PYGB: variants seen among roughly 807,000 people sequenced by gnomAD.
The protein encoded by PYGB is glycogen phosphorylase B.
PYGB carries 82 observed loss-of-function variants against 94.3 expected under a neutral mutation model. The observed-to-expected ratio is 0.87, with a 90% CI of 0.73 to 1.04. The LOEUF (loss-of-function observed/expected upper bound fraction) is 1.04, where lower values mean the gene tolerates loss of function less well. PYGB is among the 50% of genes least tolerant of loss of function. The pLI is 0.00. For missense variants in PYGB, 1,132 were observed against 1,158.2 expected (o/e 0.98, Z 0.33); for synonymous variants, 488 against 479.1 (o/e 1.02, Z -0.24).
At chr20:25,272,710 C>T (rs1053421995) in intron 4 of PYGB, among the ~76,000 whole-genome samples, 1 of 152,212 alleles carries the variant, frequency 6.6e-6, no homozygotes, top group Non-Finnish European at 1.5e-5. Flanking sequence ...CTTAGAAAGG[C>T]GCCTTTCTCC....
At position 25,271,412 on chromosome 20, in the gene PYGB, G is replaced by A. The variant is rs753970590; in HGVS notation, c.454G>A (p.Gly152Ser). 6 of 1,613,956 alleles carry A rather than the reference G, an allele frequency of 3.7e-6. No individual in the cohort carries two copies. The highest frequency in any genetic ancestry group is 4.2e-6 in the Non-Finnish European group (5 of 1,180,022). The change falls in exon 4 of 20, where the codon GGC becomes AGC. Residue 152 changes from glycine to serine, a missense_variant. Coordinates refer to ENST00000216962, the MANE Select transcript of PYGB (RefSeq NM_002862.4). ...TTTCCTTGACTCAATGGCTACCTTG[G>A]GCCTGGCAGCATACGGCTATGGAAT... ...ACFLDSMATLGLAAYGYGIRY... is the reference protein window; with the variant it reads ...ACFLDSMATLSLAAYGYGIRY...
At chr20:25,262,731 C>CG (rs1005080473) in intron 2 of PYGB, among the ~76,000 whole-genome samples, 5 of 151,544 alleles carry the variant, frequency 3.3e-5, no homozygotes, top group African/African-American at 1.2e-4. Flanking sequence ...ATCTCACATG[C>CG]GGAGACACAC....
intron 4 of PYGB, among the ~76,000 whole-genome samples, chr20:25,272,164 C>A (rs1048535837): frequency 4.6e-5 from 7 of 152,236 alleles, no homozygotes; most frequent in Admixed American, 1.3e-4. Flanking sequence ...CACCACTATT[C>A]CATTCGGTTA....
chr20:25,273,886 C>T (rs1483320918), intron 4 of PYGB, among the ~76,000 whole-genome samples: 2 of 152,128 alleles, frequency 1.3e-5, no homozygotes, highest in African/African-American at 2.4e-5. Flanking sequence ...CCTGCCCTGT[C>T]GCCCAGGCTG....
chr20:25,264,870 C>T (rs973581067), intron 2 of PYGB, among the ~76,000 whole-genome samples: 1 of 152,154 alleles, frequency 6.6e-6, no homozygotes, highest in African/African-American at 2.4e-5. Flanking sequence ...TTTATAGATT[C>T]AACGCCATCC....
intron 5 of PYGB, among the ~76,000 whole-genome samples, chr20:25,275,101 G>A (rs1198071169): frequency 2.6e-5 from 4 of 152,230 alleles, no homozygotes; most frequent in Admixed American, 2.0e-4. Flanking sequence ...CAGGGTGGGC[G>A]AAAACAGCTC....
chr20:25,269,435 C>G (rs1021327173), intron 3 of PYGB, among the ~76,000 whole-genome samples: 1 of 152,182 alleles, frequency 6.6e-6, no homozygotes, highest in East Asian at 1.9e-4. Flanking sequence ...ACCAATCTTG[C>G]CAGCATGGAG....
At chr20:25,295,762 A>AT (rs1429180165) in intron 19 of PYGB, 92 bp downstream of exon 19, 1 of 1,407,320 alleles carries the variant, frequency 7.1e-7, no homozygotes, top group Non-Finnish European at 1.0e-6. Flanking sequence ...AGCTGAGTAG[A>AT]TTCTTGGCCT....
intron 2 of PYGB, among the ~76,000 whole-genome samples, chr20:25,262,557 A>C (rs889746511): frequency 4.6e-5 from 7 of 152,350 alleles, no homozygotes; most frequent in Middle Eastern, 3.4e-3. Flanking sequence ...AGCTAGGAAG[A>C]AACTGTATCA....
At chr20:25,267,189 A>G (rs2088225819) in intron 2 of PYGB, among the ~76,000 whole-genome samples, 1 of 152,232 alleles carries the variant, frequency 6.6e-6, no homozygotes. Flanking sequence ...ATGGCACAAC[A>G]TGGATGAAGC....
chr20:25,260,150 A>G (rs1459152655), intron 2 of PYGB, among the ~76,000 whole-genome samples: 1 of 152,180 alleles, frequency 6.6e-6, no homozygotes, highest in African/African-American at 2.4e-5. Context: ...AACAAAATGC[A>G]ACAAAAACTT....
At chr20:25,274,855 C>T (rs998726358) in intron 5 of PYGB, 132 bp downstream of exon 5, 8 of 1,375,580 alleles carry the variant, frequency 5.8e-6, no homozygotes, top group Admixed American at 2.3e-5. Context: ...AGGTAAAAGC[C>T]GGGGGAGGTT....
intron 2 of PYGB, among the ~76,000 whole-genome samples, chr20:25,263,308 ACACT>A (rs1383767856): frequency 1.3e-5 from 2 of 152,224 alleles, no homozygotes; most frequent in African/African-American, 4.8e-5. Flanking sequence ...CAGGATTAAG[ACACT>A]CACTCAAAAC....
At chr20:25,290,427 C>CA in intron 15 of PYGB, 54 bp from the exon 16 acceptor site, 1 of 1,584,858 alleles carries the variant, frequency 6.3e-7, no homozygotes. Flanking sequence ...GGAGCGCCTC[C>CA]AAGGGCCTGA....
At chr20:25,272,657 G>T (rs1568689678) in intron 4 of PYGB, among the ~76,000 whole-genome samples, 1 of 152,214 alleles carries the variant, frequency 6.6e-6, no homozygotes, top group Admixed American at 6.5e-5. Flanking sequence ...ACCTAAAACG[G>T]ACTCGGATCC....
chr20:25,259,442 A>C (rs954469268), intron 2 of PYGB, 104 bp downstream of exon 2: 11 of 849,782 alleles, frequency 1.3e-5, no homozygotes, highest in Non-Finnish European at 1.8e-5. Context: ...ACTAGCAGCT[A>C]TCTGGGAATC....
chr20:25,257,850 G>A (rs1356955449), intron 1 of PYGB, among the ~76,000 whole-genome samples: 1 of 152,190 alleles, frequency 6.6e-6, no homozygotes, highest in Admixed American at 6.5e-5. Flanking sequence ...GACAGTGCCT[G>A]TGGCTTCCTC....
chr20:25,275,559 A>G (rs1373468506), intron 5 of PYGB, among the ~76,000 whole-genome samples: 2 of 152,234 alleles, frequency 1.3e-5, no homozygotes, highest in Non-Finnish European at 2.9e-5. Flanking sequence ...TTTAAATCAA[A>G]TACATGGGCT....
chr20:25,284,176 G>C lies in PYGB; in HGVS notation c.1693G>C (p.Asp565His). Residue 565 changes from aspartate (D) to histidine (H), a missense_variant, in exon 14 of 20, where the codon GAT becomes CAT. Physicochemically the swap from Asp to His is moderately conservative, Grantham distance 81. Coordinates refer to ENST00000216962, the MANE Select transcript of PYGB (RefSeq NM_002862.4). ...GAAGATCAACCCCTCCTCCATGTTCGATGTGCATGTGAAGAGGATCCACGA... is the reference window on the plus strand; with the variant it reads ...GAAGATCAACCCCTCCTCCATGTTCCATGTGCATGTGAAGAGGATCCACGA... ...KVKINPSSMF[D>H]VHVKRIHEYK... 6.2e-7 allele frequency: 1 copy of C among 1,614,054 alleles called. No homozygotes were observed. The highest frequency in any genetic ancestry group is 8.5e-7 in the Non-Finnish European group (1 of 1,179,968).
Sources: allele counts gnomAD v4.1 joint callset (sites outside exome capture counted in the v4.1 genomes callset), GRCh38; gene constraint gnomAD v4.1.1; transcripts MANE v1.5; gene names NCBI Gene and HGNC (gene_info 2026-07-23, HGNC 2026-07-21).